Variants in ATP10B observed in about 807,000 individuals in gnomAD.
The protein encoded by ATP10B is ATPase phospholipid transporting 10B (putative).
ATP10B carries 122 observed loss-of-function variants against 141.2 expected under a neutral mutation model. The observed-to-expected ratio is 0.86, with a 90% confidence interval of 0.75 to 1.00. The LOEUF is 1.00. Ranked by LOEUF, ATP10B falls within the 50% of genes least tolerant of loss-of-function variation. The probability of loss-of-function intolerance (pLI) is 0.00; values close to 1 mark genes in which losing one functional copy is unlikely to be tolerated. For synonymous variants in ATP10B, 685 were observed against 692.0 expected (o/e 0.99, Z 0.16); for missense variants, 1,876 against 1,825.3 (o/e 1.03, Z -0.51).
In ATP10B at chr5:160,663,974, A is replaced by G. The variant is rs10037179; in HGVS notation, c.675+6489T>C. ...AGTAGTAGAAAGAAATAATAGATAT[A>G]GAACACTTAGAAAAACTGCCTATGG... On this transcript the variant is annotated intron_variant, in intron 7 of 25. Transcript: ENST00000327245. 4.8e-3 allele frequency among the ~76,000 whole-genome samples: 736 copies of G among 152,294 alleles called. 5 individuals carry two copies. The highest frequency in any genetic ancestry group is 0.016 in the African/African-American group (649 of 41,560).
At chr5:160,715,137 C>T (rs1267399710) in intron 3 of ATP10B, among the ~76,000 whole-genome samples, 2 of 149,374 alleles carry the variant, frequency 1.3e-5, no homozygotes, top group African/African-American at 2.5e-5. Flanking sequence ...CTGTGGTGGG[C>T]TCCACCAAGT....
At chr5:160,607,121 C>A (rs1217512045) in intron 18 of ATP10B, 35 bp from the exon 19 acceptor site, 3 of 1,555,162 alleles carry the variant, frequency 1.9e-6, no homozygotes, top group Admixed American at 1.8e-5. Flanking sequence ...TATTTGTAAG[C>A]AACCTTGGAA....
the ATP10B span, among the ~76,000 whole-genome samples, chr5:160,879,787 G>A: frequency 1.3e-5 from 2 of 152,088 alleles, no homozygotes; most frequent in Admixed American, 1.3e-4. Flanking sequence ...GTAGTGAGCC[G>A]AGATGGCGCC....
chr5:160,670,622 C>T lies in ATP10B; in HGVS notation c.516G>A (p.Val172=). ...YVQKCWKDVR[V]GDFIQMKCNE... Reference sequence around the variant, plus strand: ...TGCATTTCATTTGGATGAAGTCTCCCACGCGCACATCCTTCCAGCACTTCT... The same window carrying T: ...TGCATTTCATTTGGATGAAGTCTCCTACGCGCACATCCTTCCAGCACTTCT... The change falls in exon 7 of 26, where the codon GTG becomes GTA. Residue 172 remains valine, a synonymous_variant. Transcript: ENST00000327245. The T allele has an allele frequency of 6.2e-7, 1 of 1,613,804 alleles. No homozygotes were observed. Among genetic ancestry groups the T allele is most frequent in the South Asian group, 1.1e-5 (1 of 91,072 alleles).
chr5:160,853,796 G>A (rs916842939), upstream of ATP10B, among the ~76,000 whole-genome samples: 1 of 152,112 alleles, frequency 6.6e-6, no homozygotes, highest in Non-Finnish European at 1.5e-5. Flanking sequence ...GATAAGAAAT[G>A]CTATGTTCAG....
the ATP10B span, among the ~76,000 whole-genome samples, chr5:160,925,355 A>G: frequency 6.6e-6 from 1 of 152,222 alleles, no homozygotes; most frequent in African/African-American, 2.4e-5. Flanking sequence ...AGCTCGTCAT[A>G]CCTATCGATT....
chr5:160,565,624 C>T lies in ATP10B; in HGVS notation c.4215G>A (p.Thr1405=), dbSNP rs376969666. 52 of 1,613,982 alleles carry T rather than the reference C, an allele frequency of 3.2e-5. No individual in the cohort carries two copies. Among genetic ancestry groups the T allele is most frequent in the Middle Eastern group, 1.6e-4 (1 of 6,082 alleles). The change falls in exon 26 of 26, where the codon ACG becomes ACA. Residue 1405 remains threonine (T), a synonymous_variant. Transcript: ENST00000327245. ...AGCATGAGTCATCCCTCATGCACTCCGTGCCACATCTCTGTTCGTGGAGTA... is the reference window on the plus strand; with the variant it reads ...AGCATGAGTCATCCCTCATGCACTCTGTGCCACATCTCTGTTCGTGGAGTA... ...ESVLHEQRCG[T]ECMRDDSCSG...
intron 1 of ATP10B, among the ~76,000 whole-genome samples, chr5:160,841,897 G>A (rs1169029000): frequency 6.6e-6 from 1 of 152,020 alleles, no homozygotes; most frequent in Admixed American, 6.6e-5. Flanking sequence ...GCTAATTTTT[G>A]TATTTTTAGT....
chr5:160,671,641 A>G (rs980098366), intron 6 of ATP10B, among the ~76,000 whole-genome samples: 3 of 152,192 alleles, frequency 2.0e-5, no homozygotes, highest in Non-Finnish European at 4.4e-5. Flanking sequence ...TTATCTTCCT[A>G]TCCAATTTAT....
intron 7 of ATP10B, among the ~76,000 whole-genome samples, chr5:160,653,775 T>C (rs572203011): frequency 0.019 from 2,286 of 121,704 alleles, 113 homozygotes; most frequent in African/African-American, 0.068. Context: ...AATATATACA[T>C]ATATACATAT....
At chr5:160,776,818 T>C (rs1029247192) in intron 2 of ATP10B, among the ~76,000 whole-genome samples, 1 of 152,194 alleles carries the variant, frequency 6.6e-6, no homozygotes, top group African/African-American at 2.4e-5. Flanking sequence ...GGCTGAGATT[T>C]CTCTGTGTGT....
chr5:160,904,810 C>T, the ATP10B span, among the ~76,000 whole-genome samples: 4 of 152,194 alleles, frequency 2.6e-5, no homozygotes, highest in Non-Finnish European at 5.9e-5. Flanking sequence ...CCTTATGCTT[C>T]CCATAGATGC....
intron 1 of ATP10B, among the ~76,000 whole-genome samples, chr5:160,832,367 T>C (rs1775146997): frequency 6.6e-6 from 1 of 152,158 alleles, no homozygotes; most frequent in African/African-American, 2.4e-5. Flanking sequence ...AACAAAATAC[T>C]ATATAAATAC....
At chr5:160,694,366 C>G (rs750662378) in intron 3 of ATP10B, among the ~76,000 whole-genome samples, 17 of 152,114 alleles carry the variant, frequency 1.1e-4, no homozygotes, top group Non-Finnish European at 2.4e-4. Flanking sequence ...GAAATGGCAC[C>G]TCCCACTAAA....
the ATP10B span, among the ~76,000 whole-genome samples, chr5:160,894,389 G>A: frequency 0.013 from 1,908 of 151,982 alleles, 129 homozygotes; most frequent in Admixed American, 0.11. Flanking sequence ...AACACAGCAC[G>A]AGAACTTTGT....
At chr5:160,919,223 CAAAAA>C in the ATP10B span, among the ~76,000 whole-genome samples, 9 of 26,962 alleles carry the variant, frequency 3.3e-4, no homozygotes, top group Non-Finnish European at 4.3e-4. Flanking sequence ...AACTCCGTCT[CAAAAA>C]AAAAAAAAAA....
At chr5:160,824,082 C>T (rs944321467) in intron 1 of ATP10B, among the ~76,000 whole-genome samples, 1 of 151,888 alleles carries the variant, frequency 6.6e-6, no homozygotes, top group African/African-American at 2.4e-5. Flanking sequence ...AGAACAGTGA[C>T]GTGATCTCGG....
chr5:160,836,233 T>C (rs900694371), intron 1 of ATP10B, among the ~76,000 whole-genome samples: 5 of 152,100 alleles, frequency 3.3e-5, no homozygotes, highest in Non-Finnish European at 7.4e-5. Flanking sequence ...TTGTACCCCT[T>C]CAATTTACAC....
At chr5:160,851,269 A>G (rs548077352) in intron 1 of ATP10B, among the ~76,000 whole-genome samples, 1 of 152,306 alleles carries the variant, frequency 6.6e-6, no homozygotes, top group South Asian at 2.1e-4. Flanking sequence ...TTTTAACATT[A>G]CTTTTCACCT....
Sources: gnomAD v4.1 joint callset for allele counts (sites outside exome capture counted in the v4.1 genomes callset) on GRCh38, gnomAD v4.1.1 for gene constraint, MANE v1.5 for transcripts, NCBI Gene and HGNC (gene_info 2026-07-23, HGNC 2026-07-21) for gene names.